The following XYLB variants were observed in gnomAD, a reference collection of about 807,000 sequenced individuals.
The protein encoded by XYLB is xylulokinase, also known as xylulose kinase.
In XYLB, 62 loss-of-function variants were observed where a neutral mutation model predicts 78.7. That is an observed-to-expected ratio of 0.79 (90% CI 0.64 to 0.97). XYLB has a LOEUF of 0.97. Ranked by LOEUF, XYLB falls within the 50% of genes least tolerant of loss-of-function variation. The probability of loss-of-function intolerance (pLI) is 0.00; values close to 1 mark genes in which losing one functional copy is unlikely to be tolerated. For synonymous variants in XYLB, 245 were observed against 247.4 expected (o/e 0.99, Z 0.09); for missense variants, 687 against 676.8 (o/e 1.02, Z -0.17).
At chr3:38,433,932 G>A in the XYLB span, among the ~76,000 whole-genome samples, 3 of 152,052 alleles carry the variant, frequency 2.0e-5, no homozygotes, top group South Asian at 2.1e-4. Flanking sequence ...ATAAATACCC[G>A]AGACTAGGTA....
chr3:38,422,184 G>A (rs1708999920), downstream of XYLB, among the ~76,000 whole-genome samples: 1 of 152,206 alleles, frequency 6.6e-6, no homozygotes, highest in Non-Finnish European at 1.5e-5. Context: ...TCACTTCTAG[G>A]TAGGTCTAAT....
chr3:38,360,827 G>A (rs818846), intron 3 of XYLB, among the ~76,000 whole-genome samples: 135,927 of 152,098 alleles, frequency 0.89, 61,325 homozygotes, highest in East Asian at 1. Flanking sequence ...TGAGGTCAGG[G>A]GTTCAAGACC....
intron 12 of XYLB, 82 bp from the exon 13 acceptor site, chr3:38,376,035 T>A: frequency 1.1e-6 from 1 of 939,992 alleles, no homozygotes; most frequent in Non-Finnish European, 1.7e-6. Context: ...GCAGTTCCTC[T>A]GCCTGAGTCT....
chr3:38,407,775 A>C (rs970916528), intron 18 of XYLB, among the ~76,000 whole-genome samples: 27 of 151,734 alleles, frequency 1.8e-4, no homozygotes, highest in African/African-American at 6.3e-4. Flanking sequence ...CAAAGATCAA[A>C]AGAGACAAAG....
At chr3:38,443,703 T>C in the XYLB span, among the ~76,000 whole-genome samples, 1 of 152,214 alleles carries the variant, frequency 6.6e-6, no homozygotes, top group Non-Finnish European at 1.5e-5. Context: ...TATCTGTGAC[T>C]GATTGGGAAA....
downstream of XYLB, among the ~76,000 whole-genome samples, chr3:38,418,098 G>T (rs1378392365): frequency 6.7e-6 from 1 of 150,194 alleles, no homozygotes; most frequent in East Asian, 2.0e-4. Context: ...AGGAGGCTGA[G>T]ACAGGAGAAT....
At chr3:38,375,121 C>T (rs1706779460) in intron 11 of XYLB, 23 bp from the exon 12 acceptor site, 1 of 1,600,800 alleles carries the variant, frequency 6.2e-7, no homozygotes, top group East Asian at 2.3e-5. Context: ...CCAAGGTGCC[C>T]ACCTCTGCCT....
chr3:38,450,603 C>A, the XYLB span, among the ~76,000 whole-genome samples: 1 of 152,098 alleles, frequency 6.6e-6, no homozygotes, highest in Non-Finnish European at 1.5e-5. Context: ...TGTCTGATAC[C>A]AAATGTGATA....
chr3:38,401,021 A>C, intron 18 of XYLB, 36 bp downstream of exon 18: 2 of 1,593,540 alleles, frequency 1.3e-6, no homozygotes, highest in African/African-American at 2.7e-5. Context: ...TAGCATTTGC[A>C]TTATGAAAGC....
intron 14 of XYLB, among the ~76,000 whole-genome samples, chr3:38,377,374 C>T (rs997906092): frequency 1.3e-5 from 2 of 151,944 alleles, no homozygotes; most frequent in African/African-American, 4.8e-5. Context: ...GAGGTACTAA[C>T]GTTTATTGAG....
chr3:38,379,251 A>G lies in XYLB; in HGVS notation c.1200A>G (p.Ala400=). 1 of 1,614,150 alleles carries G rather than the reference A, an allele frequency of 6.2e-7. No individual in the cohort carries two copies. The highest frequency in any genetic ancestry group is 1.3e-5 in the African/African-American group (1 of 75,056). ...CCACCTTTTCCTGGAGACAGGTTGC[A>G]GCATTCCCTGGGGATGTGGAGGTTC... is the stretch of plus-strand genomic sequence containing the variant. ...HRFNTENHKV[A]AFPGDVEVRA... The change falls in exon 15 of 19, where the codon GCA becomes GCG. Residue 400 remains alanine (A), a synonymous_variant. Coordinates refer to ENST00000207870, the MANE Select transcript of XYLB (RefSeq NM_005108.4).
chr3:38,371,303 C>T (rs1371495777), intron 9 of XYLB, among the ~76,000 whole-genome samples: 2 of 150,730 alleles, frequency 1.3e-5, no homozygotes, highest in Admixed American at 6.6e-5. Flanking sequence ...GACAGAGTCT[C>T]GCTTTTGTCA....
the XYLB span, among the ~76,000 whole-genome samples, chr3:38,432,592 T>G: frequency 6.6e-6 from 1 of 151,872 alleles, no homozygotes; most frequent in Non-Finnish European, 1.5e-5. Context: ...CTAGATACAA[T>G]AGAGGTACAG....
chr3:38,396,039 A>G (rs1707857202), intron 16 of XYLB, among the ~76,000 whole-genome samples: 1 of 152,196 alleles, frequency 6.6e-6, no homozygotes, highest in South Asian at 2.1e-4. Context: ...TCAGACTGTC[A>G]CCTGTGGGGC....
chr3:38,428,746 A>C, the XYLB span, among the ~76,000 whole-genome samples: 1 of 152,240 alleles, frequency 6.6e-6, no homozygotes, highest in Non-Finnish European at 1.5e-5. Context: ...GTCCATTTAC[A>C]TAATGTAATT....
At chr3:38,405,441 C>T (rs1708276262) in intron 18 of XYLB, among the ~76,000 whole-genome samples, 1 of 151,622 alleles carries the variant, frequency 6.6e-6, no homozygotes, top group Non-Finnish European at 1.5e-5. Context: ...GTCTACAGCT[C>T]CCAGCATGAG....
chr3:38,370,029 C>T, intron 8 of XYLB, 27 bp from the exon 9 acceptor site: 1 of 1,592,540 alleles, frequency 6.3e-7, no homozygotes, highest in Non-Finnish European at 8.6e-7. Flanking sequence ...TCAAGATTGT[C>T]TGTTGTTTGT....
intron 15 of XYLB, among the ~76,000 whole-genome samples, chr3:38,392,751 GT>G (rs1707721569): frequency 6.6e-6 from 1 of 152,082 alleles, no homozygotes; most frequent in African/African-American, 2.4e-5. Context: ...GTTTTTGACA[GT>G]TTTTTGTGTT....
chr3:38,444,768 C>T, the XYLB span, among the ~76,000 whole-genome samples: 5 of 152,106 alleles, frequency 3.3e-5, no homozygotes, highest in East Asian at 5.8e-4. Context: ...AAGAAAAAAC[C>T]GCCCATGGTT....
Sources: gnomAD v4.1 joint callset for allele counts (sites outside exome capture counted in the v4.1 genomes callset) on GRCh38, gnomAD v4.1.1 for gene constraint, MANE v1.5 for transcripts, NCBI Gene and HGNC (gene_info 2026-07-23, HGNC 2026-07-21) for gene names.